Variants in AGBL3 observed in about 807,000 individuals in gnomAD.
AGBL3 encodes the protein cytosolic carboxypeptidase 3.
In AGBL3, 68 loss-of-function variants were observed where a neutral mutation model predicts 94.5. The observed-to-expected ratio is 0.72, with a 90% confidence interval of 0.59 to 0.88. AGBL3 has a LOEUF of 0.88. AGBL3 is among the 40% of genes least tolerant of loss of function. The pLI is 0.00. For missense variants in AGBL3, 934 were observed against 1,103.8 expected, an observed-to-expected ratio of 0.85 and a Z score of 2.18; for synonymous variants, 354 against 370.7, an observed-to-expected ratio of 0.95 and a Z score of 0.52.
At chr7:135,115,296 A>C in intron 15 of AGBL3, 84 bp from the exon 16 acceptor site, 1 of 887,186 alleles carries the variant, frequency 1.1e-6, no homozygotes, top group Non-Finnish European at 1.7e-6. Flanking sequence ...ATTTTAGATA[A>C]AATCCTTGGC....
intron 5 of AGBL3, among the ~76,000 whole-genome samples, chr7:135,023,701 C>G (rs1270599364): frequency 6.6e-6 from 1 of 152,192 alleles, no homozygotes; most frequent in Non-Finnish European, 1.5e-5. Context: ...GAGAGCAGGG[C>G]TGACTATCCT....
At chr7:135,131,167 G>A (rs1275573667) in intron 16 of AGBL3, among the ~76,000 whole-genome samples, 2 of 152,058 alleles carry the variant, frequency 1.3e-5, no homozygotes, top group Non-Finnish European at 2.9e-5. Flanking sequence ...TTCCAGGGAC[G>A]TGGATGAAGC....
chr7:135,016,056 GAAAAA>G (rs5887721), intron 4 of AGBL3, among the ~76,000 whole-genome samples: 8 of 148,304 alleles, frequency 5.4e-5, no homozygotes, highest in Admixed American at 2.0e-4. Flanking sequence ...AAAAAGAAAA[GAAAAA>G]AAAAATCAGC....
intron 16 of AGBL3, among the ~76,000 whole-genome samples, chr7:135,116,942 GTC>G (rs1395929726): frequency 2.0e-5 from 3 of 152,296 alleles, no homozygotes; most frequent in Non-Finnish European, 4.4e-5. Flanking sequence ...TCAGCTCCAA[GTC>G]TTGGATATAT....
chr7:135,056,499 T>C (rs1818358989), intron 11 of AGBL3, among the ~76,000 whole-genome samples: 1 of 152,074 alleles, frequency 6.6e-6, no homozygotes, highest in Admixed American at 6.6e-5. Context: ...GTTATCTATG[T>C]AGAAAATATC....
intron 12 of AGBL3, 146 bp downstream of exon 12, chr7:135,059,381 G>T (rs978020024): frequency 2.1e-5 from 11 of 513,134 alleles, no homozygotes; most frequent in Middle Eastern, 6.7e-4. Flanking sequence ...TTAAATCATA[G>T]AATTATTTAA....
intron 12 of AGBL3, among the ~76,000 whole-genome samples, chr7:135,068,971 T>C (rs1282647300): frequency 6.6e-6 from 1 of 152,112 alleles, no homozygotes; most frequent in Non-Finnish European, 1.5e-5. Flanking sequence ...CAGTGTGCTG[T>C]ATTCAGGAAA....
intron 3 of AGBL3, 52 bp downstream of exon 3, chr7:134,989,362 A>G: frequency 7.9e-7 from 1 of 1,259,602 alleles, no homozygotes. Context: ...TGAATGGATA[A>G]AAAAGAAGAT....
At chr7:135,094,379 C>T (rs1326328414) in intron 15 of AGBL3, 6 of 456,550 alleles carry the variant, frequency 1.3e-5, no homozygotes, top group African/African-American at 4.0e-5. Context: ...ATCTGCTTGT[C>T]TGAGGCAGAA....
At chr7:135,094,403 T>C (rs774779991) in intron 15 of AGBL3, 6 of 456,660 alleles carry the variant, frequency 1.3e-5, no homozygotes, top group South Asian at 9.3e-5. Context: ...GCTAGAATCA[T>C]AAACTGGTAG....
At chr7:135,062,945 C>T (rs1818970191) in intron 12 of AGBL3, among the ~76,000 whole-genome samples, 1 of 151,952 alleles carries the variant, frequency 6.6e-6, no homozygotes, top group African/African-American at 2.4e-5. Context: ...ATATTAGTTC[C>T]TCTTTAAATG....
At chr7:135,015,724 G>T (rs934074641) in intron 4 of AGBL3, among the ~76,000 whole-genome samples, 6 of 151,880 alleles carry the variant, frequency 4.0e-5, no homozygotes, top group Non-Finnish European at 5.9e-5. Context: ...TTGAAGATCA[G>T]CATACACAGG....
chr7:135,084,476 C>T (rs1014098207), intron 15 of AGBL3, among the ~76,000 whole-genome samples: 5 of 152,032 alleles, frequency 3.3e-5, no homozygotes, highest in Non-Finnish European at 5.9e-5. Flanking sequence ...GTTAAGCAAC[C>T]TTTGACTATC....
chr7:135,017,468 T>C (rs4732081), intron 5 of AGBL3, among the ~76,000 whole-genome samples: 141,618 of 152,170 alleles, frequency 0.93, 66,684 homozygotes, highest in Non-Finnish European at 1. Context: ...TGCTTTGCAA[T>C]TATTGTTCCC....
At chr7:135,124,295 CAAAG>C (rs1354866323) in intron 16 of AGBL3, among the ~76,000 whole-genome samples, 2 of 150,946 alleles carry the variant, frequency 1.3e-5, no homozygotes, top group Admixed American at 6.6e-5. Flanking sequence ...TCAAAAAAGA[CAAAG>C]AAGGGTATTA....
At chr7:135,132,296 A>T (rs1828880337) in intron 16 of AGBL3, among the ~76,000 whole-genome samples, 1 of 152,208 alleles carries the variant, frequency 6.6e-6, no homozygotes, top group Non-Finnish European at 1.5e-5. Flanking sequence ...TTCAGCTCTA[A>T]ATAAAAAGAA....
chr7:135,037,873 T>A lies in AGBL3; in HGVS notation c.1500+293T>A, dbSNP rs1027719219. On this transcript the variant is annotated intron_variant, in intron 8 of 16. Transcript: ENST00000436302. ...CATTTTTATCAATCAATTTTAGGGG[T>A]TTTTTTATTGTTTAAATAGTCATTG... Among the ~76,000 whole-genome samples the A allele has an allele frequency of 5.9e-5, 9 of 151,978 alleles. No individual in the cohort carries two copies. In the South Asian group the frequency reaches 8.3e-4, roughly 14 times the overall value.
intron 12 of AGBL3, among the ~76,000 whole-genome samples, chr7:135,068,877 A>T (rs541406836): frequency 1.9e-4 from 29 of 152,330 alleles, no homozygotes; most frequent in Non-Finnish European, 3.7e-4. Context: ...AAATTCACAC[A>T]TAACAATATT....
intron 4 of AGBL3, chr7:135,012,305 G>A (rs574888750): frequency 1.3e-5 from 2 of 152,172 alleles, no homozygotes; most frequent in East Asian, 1.9e-4. Flanking sequence ...GTAAAGAAAT[G>A]ACTGCATTAT....
Sources: allele counts gnomAD v4.1 joint callset (sites outside exome capture counted in the v4.1 genomes callset), GRCh38; gene constraint gnomAD v4.1.1; transcripts MANE v1.5; gene names NCBI Gene and HGNC (gene_info 2026-07-23, HGNC 2026-07-21).